The following LSM14B variants were observed in gnomAD, a reference collection of about 807,000 sequenced individuals.
LSM14B encodes protein LSM14 homolog B.
Under a neutral mutation model 42.1 loss-of-function variants are expected in LSM14B, and 8 were observed. That is an observed-to-expected ratio of 0.19 (90% CI 0.11 to 0.34). The LOEUF (loss-of-function observed/expected upper bound fraction) is 0.34, where lower values mean the gene tolerates loss of function less well. Among genes scored for constraint, LSM14B ranks in the 10% least tolerant of loss-of-function variants. The probability of loss-of-function intolerance (pLI) is 1.00; values close to 1 mark genes in which losing one functional copy is unlikely to be tolerated. For synonymous variants in LSM14B, 219 were observed against 209.7 expected (o/e 1.04, Z -0.38); for missense variants, 396 against 513.1 (o/e 0.77, Z 2.21).
chr20:62,126,775 G>C (rs2056620552), intron 3 of LSM14B, among the ~76,000 whole-genome samples: 1 of 152,174 alleles, frequency 6.6e-6, no homozygotes, highest in Non-Finnish European at 1.5e-5. Context: ...AAGGCGGGTG[G>C]ATCACAAGGT....
intron 3 of LSM14B, among the ~76,000 whole-genome samples, chr20:62,128,210 T>A (rs2056659693): frequency 6.6e-6 from 1 of 152,244 alleles, no homozygotes; most frequent in South Asian, 2.1e-4. Context: ...GTACACCACC[T>A]GTCTCTGTGC....
At chr20:62,134,022 T>C (rs181830529) in intron 8 of LSM14B, 141 bp from the exon 9 acceptor site, 230 of 351,658 alleles carry the variant, frequency 6.5e-4, no homozygotes, top group African/African-American at 4.6e-3. Context: ...AGTAGGATTC[T>C]CAGAGTGGGT....
At position 62,124,711 on chromosome 20, in the gene LSM14B, C is replaced by T; in HGVS notation, c.222C>T (p.Ile74=). ...ACATCATTTTCCGAGGAAGTGACATCAAGGATATCACTGTGTGTGAACCTC... is the reference window on the plus strand; with the variant it reads ...ACATCATTTTCCGAGGAAGTGACATTAAGGATATCACTGTGTGTGAACCTC... The part of the protein sequence containing the change: ...YEYIIFRGSD[I]KDITVCEPPK... The change falls in exon 2 of 9, where the codon ATC becomes ATT. Residue 74 remains isoleucine (I), a synonymous_variant. Coordinates refer to ENST00000279068, the MANE Select transcript of LSM14B (RefSeq NM_144703.3). The T allele has an allele frequency of 1.9e-6, 3 of 1,613,918 alleles. No individual in the cohort carries two copies. The highest frequency in any genetic ancestry group is 2.5e-6 in the Non-Finnish European group (3 of 1,179,876).
Position 62,130,744 on chromosome 20 carries a change from T to C in LSM14B, c.835+53T>C. 6.4e-7 allele frequency: 1 copy of C among 1,567,942 alleles called. No individual in the cohort carries two copies. Among genetic ancestry groups the C allele is most frequent in the South Asian group, 1.1e-5 (1 of 87,586 alleles). On this transcript the variant is annotated intron_variant, in intron 6 of 8. Transcript: ENST00000279068. This position sits in a 1 kb window ranked among gnomAD's most constrained non-coding sequence, Gnocchi z 4.1. ...TCTGCACAGGAGTACCCCTAGAGAG[T>C]GTTAGGAGGAGATGCCTGGCCGGGT...
In LSM14B at chr20:62,134,474, C is replaced by CTTT. The variant is rs11477488; in HGVS notation, c.*340_*342dup. On this transcript the variant is annotated 3_prime_UTR_variant, in exon 9 of 9. Coordinates refer to ENST00000279068, the MANE Select transcript of LSM14B (RefSeq NM_144703.3). ...TGAAAGCTGAATCCTTACTTTGTGACTTTTTTTTTTTTTTTTAATGACAAG... is the reference window on the plus strand; with the variant it reads ...TGAAAGCTGAATCCTTACTTTGTGACTTTTTTTTTTTTTTTTTTTAATGACAAG... The CTTT allele has an allele frequency of 6.5e-5, 13 of 200,140 alleles. No individual in the cohort carries two copies. Among genetic ancestry groups the CTTT allele is most frequent in the South Asian group, 1.5e-4 (3 of 19,830 alleles). 12.4% of individuals were successfully genotyped at this position (200,140 alleles called of 1,614,324 possible).
chr20:62,133,180 G>A, intron 7 of LSM14B, 110 bp from the exon 8 acceptor site: 1 of 1,358,366 alleles, frequency 7.4e-7, no homozygotes, highest in Non-Finnish European at 1.0e-6. Context: ...CTTCCCTGTA[G>A]TGGCCCTGGT....
Position 62,126,330 on chromosome 20 carries a change from G to A in LSM14B, c.318G>A (p.Ser106=), listed in dbSNP as rs1396638169. 1.4e-5 allele frequency: 22 copies of A among 1,613,814 alleles called. No individual in the cohort carries two copies. The highest frequency in any genetic ancestry group is 2.2e-5 in the East Asian group (1 of 44,894). ...CTTCCCTGGGTTCTGCCTCCGCCTC[G>A]CCCTTCCAGCCGCACGTGCCTTACA... The part of the protein sequence containing the change: ...VQSSLGSASA[S]PFQPHVPYSP... Residue 106 remains serine (S), a synonymous_variant, in exon 3 of 9, where the codon TCG becomes TCA. Coordinates refer to ENST00000279068, the MANE Select transcript of LSM14B (RefSeq NM_144703.3).
chr20:62,128,925 G>A (rs2056683745), intron 3 of LSM14B: 1 of 1,300,870 alleles, frequency 7.7e-7, no homozygotes, highest in African/African-American at 1.5e-5. Context: ...CTGTGGTTAG[G>A]GTGCCTTTTC....
At chr20:62,126,223 C>T (rs1472725886) in intron 2 of LSM14B, 81 bp from the exon 3 acceptor site, 1 of 1,601,644 alleles carries the variant, frequency 6.2e-7, no homozygotes, top group Non-Finnish European at 8.5e-7. Flanking sequence ...GCTTGTTTCC[C>T]AGCTGAACAA....
chr20:62,128,046 G>A (rs1457429285), intron 3 of LSM14B: 3 of 567,474 alleles, frequency 5.3e-6, no homozygotes, highest in African/African-American at 1.9e-5. Context: ...GCTGCAGGGG[G>A]GACTCCCCAA....
At chr20:62,128,775 C>T in intron 3 of LSM14B, 1 of 405,036 alleles carries the variant, frequency 2.5e-6, no homozygotes, top group South Asian at 2.1e-5. Context: ...TTCCAACCTG[C>T]CCTTTGAGAG....
chr20:62,126,126 C>T, intron 2 of LSM14B, 178 bp from the exon 3 acceptor site: 2 of 756,210 alleles, frequency 2.6e-6, no homozygotes, highest in South Asian at 3.3e-5. Flanking sequence ...AACTGAAATG[C>T]TGTGGAAAAG....
At chr20:62,131,103 G>A (rs1188757238) in intron 6 of LSM14B, among the ~76,000 whole-genome samples, 6 of 152,156 alleles carry the variant, frequency 3.9e-5, no homozygotes, top group African/African-American at 1.4e-4. Flanking sequence ...GATGGTGACC[G>A]GCAGTGAGGA....
chr20:62,135,343 G>GT lies in LSM14B; in HGVS notation c.*1196dup, dbSNP rs762797680. The GT allele has an allele frequency of 6.6e-6, 1 of 152,190 alleles. No individual in the cohort carries two copies. Among genetic ancestry groups the GT allele is most frequent in the Non-Finnish European group, 1.5e-5 (1 of 68,040 alleles). The allele number at this position is 152,190 out of a possible 1,614,324, so 9.4% of individuals were successfully genotyped here. On this transcript the variant is annotated 3_prime_UTR_variant, in exon 9 of 9. Coordinates refer to ENST00000279068, the MANE Select transcript of LSM14B (RefSeq NM_144703.3). Reference sequence around the variant, plus strand: ...CTCCTCTGTTGGAGTAATGTAAATTGTAATTATAAATAAACATGCAAACCT... The same window carrying GT: ...CTCCTCTGTTGGAGTAATGTAAATTGTTAATTATAAATAAACATGCAAACCT...
In LSM14B at chr20:62,122,939, C is replaced by G. The variant is rs2056447181; in HGVS notation, c.127+146C>G. The G allele has an allele frequency of 4.5e-6, 3 of 670,010 alleles. No individual in the cohort carries two copies. In the South Asian group the frequency reaches 1.9e-4, roughly 42 times the overall value. The allele number at this position is 670,010 out of a possible 1,614,324, so 41.5% of individuals were successfully genotyped here. ...CCAGGGCACACCCGGCCCGAGATCC[C>G]CTGCCCGCGCCTTCACCCCGGACGC... On this transcript the variant is annotated intron_variant, in intron 1 of 8. Transcript: ENST00000279068. The surrounding 1 kb of genome is among the most constrained non-coding windows in gnomAD (Gnocchi z 4.6).
In LSM14B at chr20:62,131,421, G is replaced by A. The variant is rs201083180; in HGVS notation, c.901G>A (p.Ala301Thr). 3.8e-5 allele frequency: 61 copies of A among 1,613,640 alleles called. No individual in the cohort carries two copies. The Middle Eastern group carries it at 6.6e-4, about 17-fold the overall frequency. Residue 301 changes from alanine (A) to threonine (T), a missense_variant, in exon 7 of 9, where the codon GCT becomes ACT. This residue lies in a region of LSM14B where 118 missense variants were observed against 156.4 expected (regional missense o/e 0.75). Coordinates refer to ENST00000279068, the MANE Select transcript of LSM14B (RefSeq NM_144703.3). ...GGTGACCCAGAGTGCCGAAGCGCCC[G>A]CTGAGGAAGACCTTCTGGGGCCCAA... Reference protein sequence around the residue: ...AVVTQSAEAPAEEDLLGPNCY... With the variant: ...AVVTQSAEAPTEEDLLGPNCY...
chr20:62,131,239 C>T (rs902654041), intron 6 of LSM14B, 117 bp from the exon 7 acceptor site: 47 of 1,162,876 alleles, frequency 4.0e-5, no homozygotes, highest in Non-Finnish European at 5.1e-5. Flanking sequence ...TTGCACAAGG[C>T]ATAGTTGATG....
chr20:62,131,798 A>C (rs888947660), intron 7 of LSM14B, among the ~76,000 whole-genome samples: 3 of 152,202 alleles, frequency 2.0e-5, no homozygotes, highest in African/African-American at 4.8e-5. Flanking sequence ...ACCCGTGTCC[A>C]CATTCAGCAT....
rs2056432140 is a variant in LSM14B, at chr20:62,122,577, A to T, written c.-90A>T. 2.2e-6 allele frequency: 2 copies of T among 928,630 alleles called. No homozygotes were observed. Among genetic ancestry groups the T allele is most frequent in the Middle Eastern group, 5.3e-4 (1 of 1,876 alleles). 57.5% of individuals were successfully genotyped at this position (928,630 alleles called of 1,614,324 possible). On this transcript the variant is annotated 5_prime_UTR_variant, in exon 1 of 9. Transcript: ENST00000279068. This position sits in a 1 kb window ranked among gnomAD's most constrained non-coding sequence, Gnocchi z 4.6. ...GCGGCGGCGGGCGGAGGAGCGCAGG[A>T]GCGGGCGGCCAGGCCACCGCGCGGC...
Sources: gnomAD v4.1 joint callset for allele counts (sites outside exome capture counted in the v4.1 genomes callset) on GRCh38, gnomAD v4.1.1 for gene constraint, gnomAD v4.1.1 regional missense constraint, Gnocchi (gnomAD v3.1) non-coding constraint, MANE v1.5 for transcripts, NCBI Gene and HGNC (gene_info 2026-07-23, HGNC 2026-07-21) for gene names.